Variants in KCNN1 observed in about 807,000 individuals in gnomAD.
KCNN1 encodes small conductance calcium-activated potassium channel protein 1.
Under a neutral mutation model 44.7 loss-of-function variants are expected in KCNN1, and 20 were observed. The ratio of observed to expected loss-of-function variants is 0.45; its 90% CI spans 0.32 to 0.65. The LOEUF is 0.65. KCNN1 is among the 30% of genes least tolerant of loss of function. KCNN1 has a pLI of 0.05. For synonymous variants in KCNN1, 324 were observed against 341.7 expected (o/e 0.95, Z 0.57); for missense variants, 632 against 785.3 (o/e 0.80, Z 2.33).
At chr19:17,995,655 A>G (rs2032962145) in intron 9 of KCNN1, among the ~76,000 whole-genome samples, 1 of 152,016 alleles carries the variant, frequency 6.6e-6, no homozygotes, top group African/African-American at 2.4e-5. Flanking sequence ...GTGCGATCTC[A>G]GCTCACTGCA....
Position 17,983,736 on chromosome 19 carries a change from C to T in KCNN1, c.918-1576C>T, listed in dbSNP as rs759133032. On this transcript the variant is annotated intron_variant, in intron 4 of 9. Transcript: ENST00000684775. The surrounding 1 kb of genome is among the most constrained non-coding windows in gnomAD (Gnocchi z 4.5). ...CCCCAGCCGTGCTCCTGGGTGGTCC[C>T]GCGGCACCCCCCACCATCGCTCCGT... Among the ~76,000 whole-genome samples, 5 of 152,010 alleles carry T rather than the reference C, an allele frequency of 3.3e-5. No individual in the cohort carries two copies. The highest frequency in any genetic ancestry group is 4.1e-4 in the South Asian group (2 of 4,828).
chr19:17,989,886 G>A, intron 7 of KCNN1, 43 bp downstream of exon 7: 1 of 1,609,894 alleles, frequency 6.2e-7, no homozygotes, highest in Non-Finnish European at 8.5e-7. Context: ...GTGTCCACAT[G>A]GCGCGGAGGC....
intron 5 of KCNN1, among the ~76,000 whole-genome samples, chr19:17,986,148 G>A (rs1599369982): frequency 6.6e-6 from 1 of 151,868 alleles, no homozygotes; most frequent in South Asian, 2.1e-4. Context: ...GGTGGATCAC[G>A]AGGTCAGGAG....
chr19:17,952,192 G>A (rs2031428026), intron 1 of KCNN1: 1 of 151,986 alleles, frequency 6.6e-6, no homozygotes, highest in African/African-American at 2.4e-5. Context: ...CGGGCGGCGG[G>A]GCGGGGCCCA....
At chr19:17,955,640 T>C (rs2031525970) in intron 2 of KCNN1, among the ~76,000 whole-genome samples, 1 of 151,446 alleles carries the variant, frequency 6.6e-6, no homozygotes, top group African/African-American at 2.4e-5. Flanking sequence ...ATGATGATGA[T>C]AGCAAGGACT....
At chr19:17,996,648 A>T (rs1339661934) in intron 9 of KCNN1, among the ~76,000 whole-genome samples, 1 of 152,176 alleles carries the variant, frequency 6.6e-6, no homozygotes, top group Non-Finnish European at 1.5e-5. Flanking sequence ...CTCAGAAAAG[A>T]CTAAAAAGAA....
chr19:17,961,954 G>A (rs1267467791), intron 2 of KCNN1, among the ~76,000 whole-genome samples: 5 of 152,166 alleles, frequency 3.3e-5, no homozygotes, highest in African/African-American at 7.2e-5. Context: ...GGGGGGTCAC[G>A]ATTCAAACCA....
chr19:17,988,519 C>A lies in KCNN1; in HGVS notation c.1164C>A (p.Thr388=). ...ACTTCATGATGGACACTCAGCTCACCAAGCGGGTGAGGACCGCGGTTCCCA... is the reference window on the plus strand; with the variant it reads ...ACTTCATGATGGACACTCAGCTCACAAAGCGGGTGAGGACCGCGGTTCCCA... ...VHNFMMDTQL[T]KRVKNAAANV... is the part of the protein sequence containing the mutation. The change falls in exon 6 of 10, where the codon ACC becomes ACA. Residue 388 remains threonine, a synonymous_variant. Coordinates refer to ENST00000684775, the MANE Select transcript of KCNN1 (RefSeq NM_001386974.1). 6.2e-7 allele frequency: 1 copy of A among 1,612,910 alleles called. No homozygotes were observed.
In KCNN1 at chr19:17,967,616, G is replaced by A. The variant is rs553399188; in HGVS notation, c.-82+299G>A. 2.6e-5 allele frequency among the ~76,000 whole-genome samples: 4 copies of A among 152,142 alleles called. No individual in the cohort carries two copies. In the East Asian group the frequency reaches 7.8e-4, roughly 30 times the overall value. ...CTGCATAGATAGGGTTGGAGGTCGGGGAGCTCTCAGGGATGGACAGTGACC... is the reference window on the plus strand; with the variant it reads ...CTGCATAGATAGGGTTGGAGGTCGGAGAGCTCTCAGGGATGGACAGTGACC... On this transcript the variant is annotated intron_variant, in intron 1 of 9. Transcript: ENST00000684775.
In KCNN1 at chr19:17,993,152, C is replaced by A; in HGVS notation, c.1307+90C>A. ...GGGGTACACCCGGGGCATGCCAACC[C>A]CAGCCTCAGAGGCGGGCAGGGTTCA... On this transcript the variant is annotated intron_variant, in intron 8 of 9. Transcript: ENST00000684775. This position sits in a 1 kb window ranked among gnomAD's most constrained non-coding sequence, Gnocchi z 4.5. The A allele has an allele frequency of 6.6e-7, 1 of 1,510,674 alleles. No individual in the cohort carries two copies. The highest frequency in any genetic ancestry group is 2.3e-5 in the East Asian group (1 of 43,886). 93.6% of individuals were successfully genotyped at this position (1,510,674 alleles called of 1,614,324 possible). A position where few individuals can be genotyped will look rare whatever the true frequency, so the allele number is the denominator to read the frequency against.
intron 9 of KCNN1, among the ~76,000 whole-genome samples, chr19:17,995,649 G>A (rs113306151): frequency 9.2e-5 from 14 of 152,160 alleles, no homozygotes; most frequent in African/African-American, 3.1e-4. Flanking sequence ...GCAGAGGTGC[G>A]ATCTCAGCTC....
At chr19:17,985,279 G>A in intron 4 of KCNN1, 33 bp from the exon 5 acceptor site, 3 of 1,559,842 alleles carry the variant, frequency 1.9e-6, no homozygotes, top group Non-Finnish European at 1.7e-6. Context: ...GGTATAGACT[G>A]AGCCCTCCCT....
rs2032855517 is a variant in KCNN1 at position 17,993,147 on chromosome 19, C to G, written c.1307+85C>G. The G allele has an allele frequency of 6.6e-7, 1 of 1,518,444 alleles. No individual in the cohort carries two copies. The highest frequency in any genetic ancestry group is 9.1e-7 in the Non-Finnish European group (1 of 1,098,222). 94.1% of individuals were successfully genotyped at this position (1,518,444 alleles called of 1,614,324 possible). On this transcript the variant is annotated intron_variant, in intron 8 of 9. Coordinates refer to ENST00000684775, the MANE Select transcript of KCNN1 (RefSeq NM_001386974.1). This position sits in a 1 kb window ranked among gnomAD's most constrained non-coding sequence, Gnocchi z 4.5. Reference sequence around the variant, plus strand: ...GACAGGGGGTACACCCGGGGCATGCCAACCCCAGCCTCAGAGGCGGGCAGG... The same window carrying G: ...GACAGGGGGTACACCCGGGGCATGCGAACCCCAGCCTCAGAGGCGGGCAGG...
At position 17,988,294 on chromosome 19, in the gene KCNN1, G is replaced by A. The variant is rs1568458160; in HGVS notation, c.1060-121G>A. 8 of 727,596 alleles carry A rather than the reference G, an allele frequency of 1.1e-5. No individual in the cohort carries two copies. In the Admixed American group the frequency reaches 1.5e-4, roughly 14 times the overall value. The allele number at this position is 727,596 out of a possible 1,614,324, so 45.1% of individuals were successfully genotyped here. On this transcript the variant is annotated intron_variant, in intron 5 of 9. Coordinates refer to ENST00000684775, the MANE Select transcript of KCNN1 (RefSeq NM_001386974.1). ...AGACCTGAAGTCAGTGAGCTCAGCA[G>A]ATGGAATCCACTCACACTGCTGGCT...
intron 2 of KCNN1, among the ~76,000 whole-genome samples, chr19:17,955,363 C>T (rs2031516567): frequency 6.6e-6 from 1 of 151,436 alleles, no homozygotes; most frequent in Non-Finnish European, 1.5e-5. Flanking sequence ...GAGTTCGAGA[C>T]CAGCCTGGCC....
At chr19:17,981,245 A>G (rs1465063337) in intron 3 of KCNN1, among the ~76,000 whole-genome samples, 4 of 151,640 alleles carry the variant, frequency 2.6e-5, no homozygotes, top group South Asian at 2.1e-4. Context: ...ACCCTGTCTC[A>G]AGAAAAAGAA....
chr19:17,977,411 A>G (rs2032242130), intron 3 of KCNN1, among the ~76,000 whole-genome samples: 1 of 151,778 alleles, frequency 6.6e-6, no homozygotes, highest in Non-Finnish European at 1.5e-5. Context: ...GCTTGATCAC[A>G]GATCACTGCA....
In KCNN1 at chr19:17,993,363, A is replaced by C. The variant is rs112329132; in HGVS notation, c.1308-127A>C. ...TAGACTACAGGGAATCGGCCTCCCA[A>C]CTCCCACCTCATCCTCTGATGCATG... On this transcript the variant is annotated intron_variant, in intron 8 of 9. Coordinates refer to ENST00000684775, the MANE Select transcript of KCNN1 (RefSeq NM_001386974.1). This position sits in a 1 kb window ranked among gnomAD's most constrained non-coding sequence, Gnocchi z 4.5. The C allele has an allele frequency of 2.6e-3, 1,911 of 746,684 alleles. 14 individuals carry two copies. In the African/African-American group the frequency reaches 0.028, roughly 11 times the overall value. 46.3% of individuals were successfully genotyped at this position (746,684 alleles called of 1,614,324 possible). A position where few individuals can be genotyped will look rare whatever the true frequency, so the allele number is the denominator to read the frequency against.
chr19:17,986,320 G>A (rs1170679128), intron 5 of KCNN1, among the ~76,000 whole-genome samples: 3 of 151,392 alleles, frequency 2.0e-5, no homozygotes, highest in East Asian at 1.9e-4. Flanking sequence ...CGGAGATCAC[G>A]TCATTGCACT....
Sources: gnomAD v4.1 joint callset for allele counts (sites outside exome capture counted in the v4.1 genomes callset) on GRCh38, gnomAD v4.1.1 for gene constraint, Gnocchi (gnomAD v3.1) non-coding constraint, MANE v1.5 for transcripts, NCBI Gene and HGNC (gene_info 2026-07-23, HGNC 2026-07-21) for gene names.